NID1: variants seen among roughly 807,000 people sequenced by gnomAD.
The protein encoded by NID1 is nidogen-1.
NID1 carries 76 observed loss-of-function variants against 130.6 expected under a neutral mutation model. That is an observed-to-expected ratio of 0.58 (90% CI 0.48 to 0.70). The LOEUF is 0.70. NID1 is among the 30% of genes least tolerant of loss of function. The probability of loss-of-function intolerance (pLI) is 0.00; values close to 1 mark genes in which losing one functional copy is unlikely to be tolerated. For synonymous variants in NID1, 665 were observed against 675.1 expected (o/e 0.98, Z 0.23); for missense variants, 1,517 against 1,664.8 (o/e 0.91, Z 1.54).
chr1:235,994,886 G>A (rs1657880070), intron 12 of NID1, among the ~76,000 whole-genome samples: 2 of 152,018 alleles, frequency 1.3e-5, no homozygotes, highest in South Asian at 2.1e-4. Context: ...TAGTAGAGAC[G>A]GGGTTTCACC....
chr1:235,997,077 G>A (rs1027871346), intron 12 of NID1, among the ~76,000 whole-genome samples: 6 of 151,600 alleles, frequency 4.0e-5, no homozygotes, highest in East Asian at 1.9e-4. Context: ...CAGGTGATCC[G>A]CCCGCCTCAG....
chr1:236,022,287 A>AAAAT (rs1362378461), intron 9 of NID1, among the ~76,000 whole-genome samples: 1 of 151,884 alleles, frequency 6.6e-6, no homozygotes, highest in Non-Finnish European at 1.5e-5. Context: ...AAAATAAAAT[A>AAAAT]AAATAAATAA....
At chr1:236,034,854 T>C (rs1659206010) in intron 5 of NID1, among the ~76,000 whole-genome samples, 1 of 152,188 alleles carries the variant, frequency 6.6e-6, no homozygotes, top group Non-Finnish European at 1.5e-5. Context: ...TTGTTTATAT[T>C]TGATGTGGTA....
intron 12 of NID1, among the ~76,000 whole-genome samples, chr1:235,999,248 T>C (rs1658011064): frequency 6.6e-6 from 1 of 152,228 alleles, no homozygotes; most frequent in Admixed American, 6.5e-5. Context: ...GTTGTTCCAT[T>C]TTATGTGGCC....
intron 1 of NID1, among the ~76,000 whole-genome samples, chr1:236,057,098 A>T (rs1410579188): frequency 6.6e-6 from 1 of 151,998 alleles, no homozygotes; most frequent in African/African-American, 2.4e-5. Flanking sequence ...GTCTCTACTA[A>T]AAATACAAAA....
At chr1:236,022,230 G>A (rs1166365258) in intron 9 of NID1, among the ~76,000 whole-genome samples, 1 of 151,954 alleles carries the variant, frequency 6.6e-6, no homozygotes, top group African/African-American at 2.4e-5. Flanking sequence ...TTGTGCCACT[G>A]CACTTCAGCC....
chr1:235,978,963 G>T, intron 19 of NID1, 32 bp downstream of exon 19: 1 of 1,484,130 alleles, frequency 6.7e-7, no homozygotes, highest in Non-Finnish European at 9.4e-7. Context: ...TGTGCCCCCA[G>T]TATGCCAACA....
At chr1:235,994,288 G>A (rs1204583814) in intron 12 of NID1, among the ~76,000 whole-genome samples, 2 of 152,032 alleles carry the variant, frequency 1.3e-5, no homozygotes, top group African/African-American at 4.8e-5. Flanking sequence ...TCAGCCTCCT[G>A]AGTAGCTGGG....
intron 1 of NID1, among the ~76,000 whole-genome samples, chr1:236,058,722 G>A (rs1313850124): frequency 6.6e-6 from 1 of 152,180 alleles, no homozygotes; most frequent in Non-Finnish European, 1.5e-5. Context: ...TTGGCCGGGG[G>A]CTTAGATGAG....
chr1:235,985,149 C>T (rs1426457116), intron 15 of NID1, among the ~76,000 whole-genome samples: 3 of 150,614 alleles, frequency 2.0e-5, no homozygotes, highest in South Asian at 2.1e-4. Context: ...GCCAAGATCA[C>T]GCCACTGCAC....
At chr1:236,034,588 A>G (rs1248807981) in intron 5 of NID1, among the ~76,000 whole-genome samples, 1 of 152,202 alleles carries the variant, frequency 6.6e-6, no homozygotes, top group East Asian at 1.9e-4. Context: ...CTGGAATAGG[A>G]ACACCTATAA....
Position 236,049,121 on chromosome 1 carries a change from C to G in NID1, c.226-132G>C, listed in dbSNP as rs147590708. 9.6e-6 allele frequency: 9 copies of G among 939,360 alleles called. No homozygotes were observed. In the East Asian group the frequency reaches 2.1e-4, roughly 21 times the overall value. The allele number at this position is 939,360 out of a possible 1,614,324, so 58.2% of individuals were successfully genotyped here. Reference sequence around the variant, plus strand: ...AATACAACAGAATCTGAGAAAGATACGAGCCTGAACCGCATACCCCAGCAT... The same window carrying G: ...AATACAACAGAATCTGAGAAAGATAGGAGCCTGAACCGCATACCCCAGCAT... On this transcript the variant is annotated intron_variant, in intron 1 of 19. Coordinates refer to ENST00000264187, the MANE Select transcript of NID1 (RefSeq NM_002508.3).
At chr1:236,006,844 A>G (rs538827117) in intron 12 of NID1, among the ~76,000 whole-genome samples, 23 of 152,128 alleles carry the variant, frequency 1.5e-4, no homozygotes, top group Non-Finnish European at 3.1e-4. Flanking sequence ...TATTGCTTGC[A>G]TCTATGTTTT....
chr1:236,039,067 T>TTA (rs961210708), intron 4 of NID1, among the ~76,000 whole-genome samples: 2 of 138,740 alleles, frequency 1.4e-5, no homozygotes, highest in Non-Finnish European at 3.0e-5. Context: ...TATATATACA[T>TTA]TATATATATT....
At chr1:236,020,516 A>C (rs143757147) in intron 9 of NID1, among the ~76,000 whole-genome samples, 64 of 152,348 alleles carry the variant, frequency 4.2e-4, no homozygotes, top group Non-Finnish European at 7.6e-4. Context: ...GCCATGGACC[A>C]GAGTGAATCA....
intron 11 of NID1, among the ~76,000 whole-genome samples, chr1:236,012,372 C>T (rs532433137): frequency 5.8e-4 from 89 of 152,204 alleles, no homozygotes; most frequent in Non-Finnish European, 4.1e-4. Flanking sequence ...GCCTGGCCAA[C>T]ACGGTGAAAC....
intron 3 of NID1, among the ~76,000 whole-genome samples, chr1:236,045,206 CAAAAAAAAAA>C (rs201261106): frequency 8.9e-5 from 8 of 89,716 alleles, no homozygotes; most frequent in Admixed American, 3.6e-4. Context: ...GGCTCTGTCT[CAAAAAAAAAA>C]AAAAAAAAAA....
At chr1:236,010,227 C>T (rs1658369019) in intron 12 of NID1, among the ~76,000 whole-genome samples, 1 of 151,786 alleles carries the variant, frequency 6.6e-6, no homozygotes. Context: ...CAAAAGGTTG[C>T]CTTGCCTAGG....
chr1:236,034,488 G>C (rs1299390071), intron 5 of NID1, among the ~76,000 whole-genome samples: 1 of 151,414 alleles, frequency 6.6e-6, no homozygotes, highest in Non-Finnish European at 1.5e-5. Context: ...GGCTAAAACA[G>C]GCCATGAACC....
Sources: gnomAD v4.1 joint callset for allele counts (sites outside exome capture counted in the v4.1 genomes callset) on GRCh38, gnomAD v4.1.1 for gene constraint, MANE v1.5 for transcripts, NCBI Gene and HGNC (gene_info 2026-07-23, HGNC 2026-07-21) for gene names.